MYT1L: variants seen among roughly 807,000 people sequenced by gnomAD.
MYT1L encodes the protein myelin transcription factor 1 like.
In MYT1L, 12 loss-of-function variants were observed where a neutral mutation model predicts 126.7. That is an observed-to-expected ratio of 0.09 (90% CI 0.06 to 0.15). The LOEUF (loss-of-function observed/expected upper bound fraction) is 0.15. Among genes scored for constraint, MYT1L ranks in the 10% least tolerant of loss-of-function variants. The pLI is 1.00. For synonymous variants in MYT1L, 541 were observed against 604.2 expected, an observed-to-expected ratio of 0.90 and a Z score of 1.53; for missense variants, 979 against 1,585.2, an observed-to-expected ratio of 0.62 and a Z score of 6.49.
chr2:2,114,267 T>C (rs2147790424), intron 3 of MYT1L, among the ~76,000 whole-genome samples: 1 of 152,322 alleles, frequency 6.6e-6, no homozygotes, highest in Non-Finnish European at 1.5e-5. Flanking sequence ...TCAGTGCAAG[T>C]ATTTTACTTA....
intron 3 of MYT1L, among the ~76,000 whole-genome samples, chr2:2,064,334 G>A (rs1191360229): frequency 6.6e-6 from 1 of 152,172 alleles, no homozygotes; most frequent in Non-Finnish European, 1.5e-5. Flanking sequence ...AACAGCAGGT[G>A]AAATGGAGTC....
intron 2 of MYT1L, among the ~76,000 whole-genome samples, chr2:2,184,690 G>C (rs1399506837): frequency 1.3e-5 from 2 of 152,092 alleles, no homozygotes; most frequent in Non-Finnish European, 2.9e-5. Flanking sequence ...CCACCAATGG[G>C]CTGGCGGCCT....
At chr2:1,879,697 CTTACAA>C (rs2047313081) in intron 18 of MYT1L, among the ~76,000 whole-genome samples, 1 of 151,990 alleles carries the variant, frequency 6.6e-6, no homozygotes, top group Admixed American at 6.6e-5. Flanking sequence ...AACTTCAGTA[CTTACAA>C]TTATAAGGAC....
chr2:2,237,800 G>T (rs546209012), intron 2 of MYT1L, among the ~76,000 whole-genome samples: 13 of 152,230 alleles, frequency 8.5e-5, no homozygotes, highest in Non-Finnish European at 1.8e-4. Flanking sequence ...GACTGACAGA[G>T]ATGGCATCTG....
rs748876932 is a variant in MYT1L, at chr2:2,260,159, G to C, written c.-421+24245C>G. ...CAGAGAGAAACAGGATTCACAATGCGTGATGAGATTTTACACCTGGCTCCC... is the reference window on the plus strand; with the variant it reads ...CAGAGAGAAACAGGATTCACAATGCCTGATGAGATTTTACACCTGGCTCCC... On this transcript the variant is annotated intron_variant, in intron 2 of 24. Transcript: ENST00000647738. 1.3e-5 allele frequency among the ~76,000 whole-genome samples: 2 copies of C among 152,210 alleles called. 1 individual carries two copies. Among genetic ancestry groups the C allele is most frequent in the African/African-American group, 4.8e-5 (2 of 41,446 alleles).
intron 2 of MYT1L, among the ~76,000 whole-genome samples, chr2:2,246,384 T>C (rs1252227876): frequency 1.3e-5 from 2 of 152,170 alleles, no homozygotes; most frequent in Non-Finnish European, 2.9e-5. Flanking sequence ...AATAGGTACC[T>C]GGGGCTAGGA....
chr2:1,839,797 T>A (rs75597163), intron 20 of MYT1L, among the ~76,000 whole-genome samples: 14,552 of 152,314 alleles, frequency 0.096, 1,287 homozygotes, highest in African/African-American at 0.23. Flanking sequence ...TGTTTCGTGC[T>A]TTTCTCAAGA....
At position 2,154,385 on chromosome 2, in the gene MYT1L, T is replaced by C. The variant is rs147580136; in HGVS notation, c.-304+18487A>G. Among the ~76,000 whole-genome samples the C allele has an allele frequency of 2.5e-3, 375 of 152,332 alleles. 1 individual carries two copies. The highest frequency in any genetic ancestry group is 8.5e-3 in the African/African-American group (355 of 41,568). On this transcript the variant is annotated intron_variant, in intron 3 of 24. Coordinates refer to ENST00000647738, the MANE Select transcript of MYT1L (RefSeq NM_001303052.2). ...AATAAAGAATAGATACTAGAGTCTA[T>C]TCATTGCAGCACTATTCACAATAGC...
intron 18 of MYT1L, among the ~76,000 whole-genome samples, chr2:1,874,261 G>A (rs1318519354): frequency 3.3e-5 from 5 of 151,830 alleles, no homozygotes; most frequent in Non-Finnish European, 7.4e-5. Context: ...AAAGATACAA[G>A]TCATTTCTCC....
intron 2 of MYT1L, among the ~76,000 whole-genome samples, chr2:2,232,685 T>C (rs1000002043): frequency 1.6e-4 from 24 of 152,218 alleles, no homozygotes; most frequent in African/African-American, 5.5e-4. Context: ...GGAGCTACGA[T>C]AGGCTTTAGG....
At chr2:2,279,603 A>G (rs2095419605) in intron 2 of MYT1L, among the ~76,000 whole-genome samples, 2 of 151,770 alleles carry the variant, frequency 1.3e-5, no homozygotes, top group Admixed American at 1.3e-4. Flanking sequence ...GAAGGAAGGA[A>G]GGAAGGAATC....
intron 3 of MYT1L, among the ~76,000 whole-genome samples, chr2:2,113,399 C>T (rs781192330): frequency 1.3e-5 from 2 of 152,164 alleles, no homozygotes; most frequent in Admixed American, 6.5e-5. Context: ...AAGCGACAGG[C>T]ACGCGCTCCG....
At chr2:2,189,925 C>T (rs1572303629) in intron 2 of MYT1L, among the ~76,000 whole-genome samples, 3 of 151,974 alleles carry the variant, frequency 2.0e-5, no homozygotes, top group Non-Finnish European at 4.4e-5. Context: ...TCAGGACGCA[C>T]GGGGAGAAGC....
rs532511675 is a variant in MYT1L, at chr2:2,315,949, G to T, written c.-521+15018C>A. 6.1e-4 allele frequency among the ~76,000 whole-genome samples: 93 copies of T among 152,082 alleles called. 4 individuals are homozygous for T. In the South Asian group the frequency reaches 0.019, roughly 32 times the overall value. On this transcript the variant is annotated intron_variant, in intron 1 of 24. Transcript: ENST00000647738. The stretch of plus-strand genomic sequence containing the variant: ...TACACCTCTCCATTTATTTTCATAT[G>T]AGAAGCATTTCCCAATACTTAGAGA...
chr2:2,027,803 A>G (rs557887657), intron 4 of MYT1L, among the ~76,000 whole-genome samples: 1 of 135,594 alleles, frequency 7.4e-6, no homozygotes, highest in Admixed American at 7.0e-5. Flanking sequence ...AGGTCAGACC[A>G]GCCTGGCTTG....
At chr2:1,831,624 G>A (rs982242855) in intron 21 of MYT1L, among the ~76,000 whole-genome samples, 12 of 152,024 alleles carry the variant, frequency 7.9e-5, no homozygotes, top group East Asian at 3.9e-4. Context: ...GTATTCCCAC[G>A]GCCAATGCCC....
At chr2:1,880,682 G>A (rs943268030) in intron 18 of MYT1L, among the ~76,000 whole-genome samples, 2 of 152,214 alleles carry the variant, frequency 1.3e-5, no homozygotes, top group Non-Finnish European at 2.9e-5. Flanking sequence ...TACCAGTACT[G>A]TCCCGCTTCA....
At chr2:1,968,158 T>C (rs2059522659) in intron 8 of MYT1L, among the ~76,000 whole-genome samples, 1 of 152,180 alleles carries the variant, frequency 6.6e-6, no homozygotes, top group Non-Finnish European at 1.5e-5. Context: ...CTCTCTGCTC[T>C]CAGATCTTAT....
chr2:2,163,257 G>A (rs1287044476), intron 3 of MYT1L, among the ~76,000 whole-genome samples: 2 of 152,034 alleles, frequency 1.3e-5, no homozygotes, highest in Admixed American at 6.6e-5. Context: ...CGAGGTGGGG[G>A]CCTTCATCAC....
Sources: allele counts gnomAD v4.1 joint callset (sites outside exome capture counted in the v4.1 genomes callset), GRCh38; gene constraint gnomAD v4.1.1; transcripts MANE v1.5; gene names NCBI Gene and HGNC (gene_info 2026-07-23, HGNC 2026-07-21).